FBN1: variants seen among roughly 807,000 people sequenced by gnomAD.
FBN1 encodes fibrillin-1.
Under a neutral mutation model 365.1 loss-of-function variants are expected in FBN1, and 29 were observed. The ratio of observed to expected loss-of-function variants is 0.08; its 90% CI spans 0.06 to 0.11. FBN1 has a LOEUF of 0.11. FBN1 is among the 10% of genes least tolerant of loss of function. The pLI is 1.00. For missense variants in FBN1, 2,476 were observed against 3,703.2 expected, an observed-to-expected ratio of 0.67 and a Z score of 8.60; for synonymous variants, 1,210 against 1,270.5, an observed-to-expected ratio of 0.95 and a Z score of 1.01.
intron 6 of FBN1, among the ~76,000 whole-genome samples, chr15:48,540,888 T>C (rs1319455991): frequency 3.9e-5 from 6 of 152,168 alleles, no homozygotes; most frequent in Non-Finnish European, 7.4e-5. Flanking sequence ...TCTTCAACAC[T>C]GTTGGGATTT....
At chr15:48,586,285 G>A (rs1311618899) in intron 6 of FBN1, among the ~76,000 whole-genome samples, 3 of 152,144 alleles carry the variant, frequency 2.0e-5, no homozygotes, top group Non-Finnish European at 4.4e-5. Flanking sequence ...GGGTCCGGGA[G>A]GCCAGAGGTG....
At chr15:48,486,467 A>G (rs1230831463) in intron 29 of FBN1, among the ~76,000 whole-genome samples, 2 of 152,252 alleles carry the variant, frequency 1.3e-5, no homozygotes, top group African/African-American at 2.4e-5. Context: ...CACTCTTCAC[A>G]GCACGACTAA....
At chr15:48,550,114 T>A (rs74011856) in intron 6 of FBN1, among the ~76,000 whole-genome samples, 1,917 of 152,292 alleles carry the variant, frequency 0.013, 41 homozygotes, top group African/African-American at 0.044. Context: ...GCTCAGCAAC[T>A]AATTTGCTGT....
At chr15:48,440,351 G>A (rs1311089625) in intron 50 of FBN1, among the ~76,000 whole-genome samples, 1 of 152,314 alleles carries the variant, frequency 6.6e-6, no homozygotes, top group East Asian at 1.9e-4. Context: ...TGATGGGCCA[G>A]TGCAAATTGA....
rs2043748412 is a variant in FBN1 at position 48,510,285 on chromosome 15, A to T, written c.1589-116T>A. 4 of 938,172 alleles carry T rather than the reference A, an allele frequency of 4.3e-6. No individual in the cohort carries two copies. The Admixed American group carries it at 6.4e-5, about 15-fold the overall frequency. The allele number at this position is 938,172 out of a possible 1,614,324, so 58.1% of individuals were successfully genotyped here. On this transcript the variant is annotated intron_variant, in intron 13 of 65. Transcript: ENST00000316623. Reference sequence around the variant, plus strand: ...TCTTGGCTTTTGGTTTTAATTACTTAATAATATTCTCCAACATAAATTGGT... The same window carrying T: ...TCTTGGCTTTTGGTTTTAATTACTTTATAATATTCTCCAACATAAATTGGT...
At chr15:48,530,718 C>T (rs1470429318) in intron 8 of FBN1, among the ~76,000 whole-genome samples, 2 of 152,082 alleles carry the variant, frequency 1.3e-5, no homozygotes, top group Non-Finnish European at 2.9e-5. Flanking sequence ...GATAAGAGCC[C>T]CTAACAGTAA....
At chr15:48,522,816 G>A (rs550268201) in intron 9 of FBN1, among the ~76,000 whole-genome samples, 95 of 152,238 alleles carry the variant, frequency 6.2e-4, no homozygotes, top group African/African-American at 2.3e-3. Flanking sequence ...GATTATTTCC[G>A]AAAAGTACTT....
chr15:48,596,143 C>A lies in FBN1; in HGVS notation c.538+140G>T, dbSNP rs538382120. 3 of 762,202 alleles carry A rather than the reference C, an allele frequency of 3.9e-6. No individual in the cohort carries two copies. The African/African-American group carries it at 5.1e-5, about 13-fold the overall frequency. 47.2% of individuals were successfully genotyped at this position (762,202 alleles called of 1,614,324 possible). On this transcript the variant is annotated intron_variant, in intron 6 of 65. Coordinates refer to ENST00000316623, the MANE Select transcript of FBN1 (RefSeq NM_000138.5). ...GGCCGCTGTCTTGTCATCCTAGGGACCTTCCCAATGACAAATGAGAAATCC... is the reference window on the plus strand; with the variant it reads ...GGCCGCTGTCTTGTCATCCTAGGGAACTTCCCAATGACAAATGAGAAATCC...
At chr15:48,487,482 C>T (rs1270854665) in intron 27 of FBN1, 45 bp from the exon 28 acceptor site, 2 of 1,608,978 alleles carry the variant, frequency 1.2e-6, no homozygotes, top group Admixed American at 3.3e-5. Context: ...GCCTCATCTC[C>T]TCCACCAGAC....
chr15:48,600,468 C>T (rs1019926015), intron 4 of FBN1, among the ~76,000 whole-genome samples: 1 of 152,194 alleles, frequency 6.6e-6, no homozygotes, highest in Non-Finnish European at 1.5e-5. Context: ...CTTTGGGAGG[C>T]CAAGGTAGGC....
intron 2 of FBN1, among the ~76,000 whole-genome samples, chr15:48,629,323 A>G (rs1889942472): frequency 6.6e-6 from 1 of 152,160 alleles, no homozygotes; most frequent in Non-Finnish European, 1.5e-5. Context: ...ACAGGAACCA[A>G]TTTCTTCAAT....
intron 8 of FBN1, among the ~76,000 whole-genome samples, chr15:48,530,763 AG>A (rs1422909527): frequency 2.0e-5 from 3 of 152,206 alleles, no homozygotes; most frequent in Non-Finnish European, 4.4e-5. Flanking sequence ...TATTTTGGAA[AG>A]GGGAAGTCCT....
In FBN1 at chr15:48,644,601, T is replaced by C. The variant is rs397515760; in HGVS notation, c.164+5A>G. The C allele has an allele frequency of 1.2e-5, 19 of 1,614,082 alleles. No individual in the cohort carries two copies. In the South Asian group the frequency reaches 1.9e-4, roughly 16 times the overall value. On this transcript the variant is annotated splice_donor_5th_base_variant and intron_variant, in intron 2 of 65. Coordinates refer to ENST00000316623, the MANE Select transcript of FBN1 (RefSeq NM_000138.5). ...CACACCAAAGGAGGGAACCGGTTCC[T>C]TTACCCTTTAAGCGCGTCGTGTCCT...
chr15:48,513,520 A>G (rs2043777094), intron 13 of FBN1, 29 bp downstream of exon 13: 1 of 1,613,868 alleles, frequency 6.2e-7, no homozygotes, highest in African/African-American at 1.3e-5. Flanking sequence ...TATATGTCCC[A>G]CATTCCACGT....
At chr15:48,505,725 G>A (rs1444091478) in intron 15 of FBN1, among the ~76,000 whole-genome samples, 2 of 152,178 alleles carry the variant, frequency 1.3e-5, no homozygotes, top group Non-Finnish European at 1.5e-5. Flanking sequence ...TAACAGCACT[G>A]TATGCAGTTG....
chr15:48,527,243 T>C (rs916774204), intron 8 of FBN1, among the ~76,000 whole-genome samples: 38 of 152,252 alleles, frequency 2.5e-4, no homozygotes, highest in Admixed American at 6.5e-4. Context: ...ACACCACTGG[T>C]TCCCATCAAG....
chr15:48,439,307 T>A (rs2043095339), intron 50 of FBN1, among the ~76,000 whole-genome samples: 1 of 152,316 alleles, frequency 6.6e-6, no homozygotes, highest in Middle Eastern at 3.4e-3. Context: ...CACTTCCCCA[T>A]CTGTTGTGGC....
Position 48,621,867 on chromosome 15 carries a change from G to A in FBN1, c.165-8775C>T, listed in dbSNP as rs73394297. ...AAAAAAATTAGCCGGGCGTGGTGGC[G>A]GGCGCCTGTAGTCCCAGCTACTCGG... On this transcript the variant is annotated intron_variant, in intron 2 of 65. Coordinates refer to ENST00000316623, the MANE Select transcript of FBN1 (RefSeq NM_000138.5). Among the ~76,000 whole-genome samples, 921 of 151,590 alleles carry A rather than the reference G, an allele frequency of 6.1e-3. 10 individuals are homozygous for A. The highest frequency in any genetic ancestry group is 0.022 in the African/African-American group (894 of 41,380).
chr15:48,582,070 C>G (rs1233413040), intron 6 of FBN1, among the ~76,000 whole-genome samples: 1 of 152,214 alleles, frequency 6.6e-6, no homozygotes, highest in Non-Finnish European at 1.5e-5. Context: ...ATACACTTGG[C>G]TCTACCTGAC....
Sources: gnomAD v4.1 joint callset for allele counts (sites outside exome capture counted in the v4.1 genomes callset) on GRCh38, gnomAD v4.1.1 for gene constraint, MANE v1.5 for transcripts, NCBI Gene and HGNC (gene_info 2026-07-23, HGNC 2026-07-21) for gene names.